Variants in SORBS2 observed in about 807,000 individuals in gnomAD.
The protein encoded by SORBS2 is sorbin and SH3 domain containing 2, also known as sorbin and SH3 domain-containing protein 2.
SORBS2 carries 46 observed loss-of-function variants against 97.7 expected under a neutral mutation model. The ratio of observed to expected loss-of-function variants is 0.47; its 90% CI spans 0.37 to 0.60. The LOEUF (loss-of-function observed/expected upper bound fraction) is 0.60, where lower values mean the gene tolerates loss of function less well. Ranked by LOEUF, SORBS2 falls within the 20% of genes least tolerant of loss-of-function variation. SORBS2 has a pLI of 0.00. For synonymous variants in SORBS2, 476 were observed against 473.4 expected (o/e 1.01, Z -0.07); for missense variants, 1,316 against 1,282.3 (o/e 1.03, Z -0.40).
At position 185,942,713 on chromosome 4, in the gene SORBS2, C is replaced by G. The variant is rs4862603; in HGVS notation, c.-338+13483G>C. Among the ~76,000 whole-genome samples, 7 of 152,240 alleles carry G rather than the reference C, an allele frequency of 4.6e-5. 1 individual carries two copies. Among genetic ancestry groups the G allele is most frequent in the African/African-American group, 1.7e-4 (7 of 41,548 alleles). ...TCCATGCTCTTATTAGAACAATTTC[C>G]ACCTTTGCCCCTTATTTTATCTCCA... is the stretch of plus-strand genomic sequence containing the variant. On this transcript the variant is annotated intron_variant, in intron 1 of 20. Coordinates refer to the SORBS2 transcript ENST00000284776.
At chr4:185,950,759 C>A (rs1257738104) in intron 1 of SORBS2, among the ~76,000 whole-genome samples, 4 of 152,108 alleles carry the variant, frequency 2.6e-5, no homozygotes, top group Admixed American at 1.3e-4. Context: ...TAAGAACAGG[C>A]TGAATATTCC....
chr4:185,784,831 C>A (rs1024385177), intron 1 of SORBS2, among the ~76,000 whole-genome samples: 1 of 152,192 alleles, frequency 6.6e-6, no homozygotes, highest in African/African-American at 2.4e-5. Flanking sequence ...GTCTCCGGCC[C>A]ATTATCATTT....
At chr4:185,935,386 G>A (rs1044845616) in intron 1 of SORBS2, among the ~76,000 whole-genome samples, 24 of 152,176 alleles carry the variant, frequency 1.6e-4, no homozygotes, top group African/African-American at 5.3e-4. Flanking sequence ...GAGATAACAC[G>A]TTTAAGAGAC....
chr4:185,596,455 C>T (rs1051541468), intron 12 of SORBS2, among the ~76,000 whole-genome samples: 5 of 151,894 alleles, frequency 3.3e-5, no homozygotes, highest in African/African-American at 1.2e-4. Context: ...TTGCTGCAAA[C>T]CTGCAGCTTC....
intron 1 of SORBS2, among the ~76,000 whole-genome samples, chr4:185,915,269 T>C (rs1228733702): frequency 6.6e-6 from 1 of 152,258 alleles, no homozygotes; most frequent in Non-Finnish European, 1.5e-5. Context: ...ACTTTTACTG[T>C]CCTCAGTTTT....
intron 1 of SORBS2, among the ~76,000 whole-genome samples, chr4:185,943,634 T>C (rs185683678): frequency 1.4e-3 from 218 of 152,232 alleles, no homozygotes; most frequent in Non-Finnish European, 1.2e-3. Context: ...ATATATTAGA[T>C]TAATAGAGAT....
intron 2 of SORBS2, among the ~76,000 whole-genome samples, chr4:185,766,235 C>T (rs1174277460): frequency 6.6e-6 from 1 of 152,154 alleles, no homozygotes; most frequent in Non-Finnish European, 1.5e-5. Context: ...CACTATGGGC[C>T]TACTCATAGA....
chr4:185,591,915 C>A (rs1048593554), intron 13 of SORBS2: 1 of 152,154 alleles, frequency 6.6e-6, no homozygotes, highest in African/African-American at 2.4e-5. Context: ...ACCACAGAAA[C>A]AAAAACAAAA....
chr4:185,775,845 C>G (rs1030586895), intron 1 of SORBS2: 1 of 152,164 alleles, frequency 6.6e-6, no homozygotes, highest in Non-Finnish European at 1.5e-5. Flanking sequence ...AGACTGAAGA[C>G]AAATGATTTC....
intron 1 of SORBS2, among the ~76,000 whole-genome samples, chr4:185,820,620 G>A (rs938766800): frequency 6.6e-6 from 1 of 152,192 alleles, no homozygotes; most frequent in African/African-American, 2.4e-5. Flanking sequence ...CACCTTGCCT[G>A]CGGGGAAGGC....
chr4:185,850,581 CTCT>C (rs2099217290), intron 1 of SORBS2, among the ~76,000 whole-genome samples: 1 of 152,222 alleles, frequency 6.6e-6, no homozygotes, highest in African/African-American at 2.4e-5. Flanking sequence ...AACCCATCTT[CTCT>C]TCTTTGAACA....
At chr4:185,878,133 T>G (rs1017471237) in intron 1 of SORBS2, among the ~76,000 whole-genome samples, 4 of 152,178 alleles carry the variant, frequency 2.6e-5, no homozygotes, top group Non-Finnish European at 5.9e-5. Flanking sequence ...ATTGCTGTGA[T>G]ACTATTTTGT....
intron 4 of SORBS2, among the ~76,000 whole-genome samples, chr4:185,634,294 C>T (rs1183817032): frequency 2.6e-5 from 4 of 152,184 alleles, no homozygotes; most frequent in Admixed American, 2.6e-4. Flanking sequence ...AGTAGTACCT[C>T]CTACAACACA....
At chr4:185,743,216 C>A (rs2098738212) in intron 2 of SORBS2, among the ~76,000 whole-genome samples, 1 of 152,110 alleles carries the variant, frequency 6.6e-6, no homozygotes, top group African/African-American at 2.4e-5. Context: ...GTGAGGCAGG[C>A]TAGTTTGACA....
In SORBS2 at chr4:185,679,817, G is replaced by T. The variant is rs373011754; in HGVS notation, c.-197-995C>A. 3.9e-3 allele frequency among the ~76,000 whole-genome samples: 590 copies of T among 152,290 alleles called. 4 individuals carry two copies. The highest frequency in any genetic ancestry group is 0.021 in the South Asian group (102 of 4,822). ...GAAAAGTCTTTGTTTTTCTTTTAGTGCTTCAGCACAGTTATTTTCAAGTTT... is the reference window on the plus strand; with the variant it reads ...GAAAAGTCTTTGTTTTTCTTTTAGTTCTTCAGCACAGTTATTTTCAAGTTT... On this transcript the variant is annotated intron_variant, in intron 2 of 20. Coordinates refer to the SORBS2 transcript ENST00000284776.
At chr4:185,723,825 C>T (rs1290204436) in intron 2 of SORBS2, among the ~76,000 whole-genome samples, 1 of 152,140 alleles carries the variant, frequency 6.6e-6, no homozygotes, top group Non-Finnish European at 1.5e-5. Flanking sequence ...GTCCTGGGCT[C>T]ATAAGGGAAT....
chr4:185,652,718 C>T (rs536713092), exon 2 of SORBS2: 21 of 1,613,892 alleles, frequency 1.3e-5, no homozygotes, highest in African/African-American at 2.7e-5. Flanking sequence ...GTCCTTGGGC[C>T]GGTCGACTGT....
At chr4:185,852,114 A>G (rs1235525799) in intron 1 of SORBS2, among the ~76,000 whole-genome samples, 2 of 152,184 alleles carry the variant, frequency 1.3e-5, no homozygotes, top group African/African-American at 2.4e-5. Flanking sequence ...TACGTTTAGC[A>G]TAGCAACAAA....
At chr4:185,686,972 A>G (rs2097975719) in intron 2 of SORBS2, among the ~76,000 whole-genome samples, 1 of 152,208 alleles carries the variant, frequency 6.6e-6, no homozygotes, top group African/African-American at 2.4e-5. Flanking sequence ...CCTTTTGATG[A>G]CATCATATTT....
Sources: allele counts gnomAD v4.1 joint callset (sites outside exome capture counted in the v4.1 genomes callset), GRCh38; gene constraint gnomAD v4.1.1; transcripts MANE v1.5; gene names NCBI Gene and HGNC (gene_info 2026-07-23, HGNC 2026-07-21).